The following MMS19 variants were observed in gnomAD, a reference collection of about 807,000 sequenced individuals.
The protein encoded by MMS19 is MMS19 nucleotide excision repair protein homolog.
MMS19 carries 77 observed loss-of-function variants against 129.8 expected under a neutral mutation model. The observed-to-expected ratio is 0.59, with a 90% CI of 0.49 to 0.72. The LOEUF is 0.72. Ranked by LOEUF, MMS19 falls within the 30% of genes least tolerant of loss-of-function variation. MMS19 has a pLI of 0.00. For synonymous variants in MMS19, 491 were observed against 502.8 expected, an observed-to-expected ratio of 0.98 and a Z score of 0.31; for missense variants, 1,168 against 1,266.3, an observed-to-expected ratio of 0.92 and a Z score of 1.18.
chr10:97,461,930 A>C (rs1475330816), intron 21 of MMS19, 34 bp from the exon 22 acceptor site: 1 of 1,584,276 alleles, frequency 6.3e-7, no homozygotes, highest in African/African-American at 1.3e-5. Flanking sequence ...CAAGCCTGCC[A>C]GCAATAAGCT....
At chr10:97,481,423 T>C (rs1589725865) in intron 2 of MMS19, among the ~76,000 whole-genome samples, 1 of 152,164 alleles carries the variant, frequency 6.6e-6, no homozygotes, top group East Asian at 1.9e-4. Context: ...GTTTGAGAGA[T>C]GATTGGCAGC....
chr10:97,471,470 A>C (rs29001300), intron 8 of MMS19, among the ~76,000 whole-genome samples: 1,660 of 152,144 alleles, frequency 0.011, 15 homozygotes, highest in Admixed American at 0.027. Flanking sequence ...CCTCTTTGCA[A>C]ACTCCACCAA....
At position 97,466,803 on chromosome 10, in the gene MMS19, T is replaced by C; in HGVS notation, c.1396A>G (p.Thr466Ala). The C allele has an allele frequency of 1.2e-6, 2 of 1,614,026 alleles. No homozygotes were observed. The highest frequency in any genetic ancestry group is 1.7e-5 in the Admixed American group (1 of 60,022). ...GGCTGGGCACCCAAGACTGTCAGTGTACGGATGCCAACAAGCTGAAGCTGG... is the reference window on the plus strand; with the variant it reads ...GGCTGGGCACCCAAGACTGTCAGTGCACGGATGCCAACAAGCTGAAGCTGG... ...STQLQLVGIR[T>A]LTVLGAQPDL... Residue 466 changes from threonine to alanine, a missense_variant, in exon 15 of 31, where the codon ACA becomes GCA. Physicochemically the swap from Thr to Ala is moderately conservative, Grantham distance 58 (BLOSUM62 0). Coordinates refer to ENST00000438925, the MANE Select transcript of MMS19 (RefSeq NM_022362.5).
rs573926045 is a variant in MMS19, at chr10:97,478,029, A to G, written c.349-100T>C. On this transcript the variant is annotated intron_variant, in intron 4 of 30. Coordinates refer to ENST00000438925, the MANE Select transcript of MMS19 (RefSeq NM_022362.5). ...CCTAATTAGCTACTGTAAGAATCAC[A>G]GCATCCTGGTTGAGGAAGAAGCACT... is the stretch of plus-strand genomic sequence containing the variant. 2.7e-3 allele frequency: 2,050 copies of G among 760,410 alleles called. 5 individuals carry two copies. The highest frequency in any genetic ancestry group is 8.6e-3 in the Middle Eastern group (35 of 4,084). 47.1% of individuals were successfully genotyped at this position (760,410 alleles called of 1,614,324 possible).
At chr10:97,491,614 G>A (rs1009171040) in intron 1 of MMS19, among the ~76,000 whole-genome samples, 2 of 152,128 alleles carry the variant, frequency 1.3e-5, no homozygotes, top group Admixed American at 6.5e-5. Flanking sequence ...GCAGTGAGCC[G>A]AAATCACGCC....
intron 3 of MMS19, among the ~76,000 whole-genome samples, chr10:97,479,579 GT>G (rs1185506876): frequency 3.3e-5 from 5 of 152,150 alleles, no homozygotes; most frequent in African/African-American, 1.2e-4. Context: ...TTTACTGTGT[GT>G]TATATAACTT....
chr10:97,496,881 T>C (rs1490098672), intron 1 of MMS19, among the ~76,000 whole-genome samples: 1 of 152,238 alleles, frequency 6.6e-6, no homozygotes, highest in Admixed American at 6.5e-5. Context: ...AATGGATGGA[T>C]AGCTATATGA....
intron 8 of MMS19, among the ~76,000 whole-genome samples, chr10:97,475,406 G>A (rs2035555264): frequency 6.6e-6 from 1 of 152,202 alleles, no homozygotes; most frequent in African/African-American, 2.4e-5. Flanking sequence ...TCATGTGAAT[G>A]AATTATCTTT....
chr10:97,462,094 T>G lies in MMS19; in HGVS notation c.2038A>C (p.Ile680Leu), dbSNP rs367731247. The change falls in exon 21 of 31, where the codon ATT becomes CTT. Residue 680 changes from isoleucine (I) to leucine (L), a missense_variant. This residue lies in a region of MMS19 where 831 missense variants were observed against 910.8 expected (regional missense o/e 0.91). Transcript: ENST00000438925. Reference sequence around the variant, plus strand: ...TTGCCATCCAAGAAGAGGGGCACAATGTGTGTCACACTCTGGGCAGCTAAC... The same window carrying G: ...TTGCCATCCAAGAAGAGGGGCACAAGGTGTGTCACACTCTGGGCAGCTAAC... ...PELAAQSVTH[I>L]VPLFLDGNVS... 2.5e-6 allele frequency: 4 copies of G among 1,584,040 alleles called. No individual in the cohort carries two copies. In the African/African-American group the frequency reaches 4.0e-5, roughly 16 times the overall value.
chr10:97,494,709 C>T (rs1326271919), intron 1 of MMS19, among the ~76,000 whole-genome samples: 1 of 152,180 alleles, frequency 6.6e-6, no homozygotes, highest in African/African-American at 2.4e-5. Context: ...AAATCACATT[C>T]TCTGAAAATC....
intron 1 of MMS19, among the ~76,000 whole-genome samples, chr10:97,489,771 G>A (rs1407270092): frequency 2.6e-5 from 4 of 152,154 alleles, no homozygotes; most frequent in African/African-American, 9.7e-5. Flanking sequence ...TTTATAGAAG[G>A]TTCCCCAATT....
At chr10:97,460,640 G>T in intron 25 of MMS19, 55 bp downstream of exon 25, 1 of 1,431,106 alleles carries the variant, frequency 7.0e-7, no homozygotes, top group Non-Finnish European at 9.7e-7. Flanking sequence ...AGGAATAGGA[G>T]CAACCAGAAA....
Position 97,461,611 on chromosome 10 carries a change from AG to A in MMS19, c.2195del (p.Pro732LeufsTer3). 1 of 1,598,680 alleles carries A rather than the reference AG, an allele frequency of 6.3e-7. No homozygotes were observed. Among genetic ancestry groups the A allele is most frequent in the Non-Finnish European group, 8.5e-7 (1 of 1,172,570 alleles). On this transcript the variant is annotated frameshift_variant, in exon 23 of 31. Coordinates refer to ENST00000438925, the MANE Select transcript of MMS19 (RefSeq NM_022362.5). LOFTEE classifies it high-confidence loss of function. ...VCSLPRNVEI[P>X]QLNQLMRELL... is the part of the protein sequence containing the mutation. ...GCTCCCGCATGAGTTGGTTCAGCTGAGGGATTTCCACCTACAGAAAACCTGG... is the reference window on the plus strand; with the variant it reads ...GCTCCCGCATGAGTTGGTTCAGCTGAGGATTTCCACCTACAGAAAACCTGG...
At position 97,463,988 on chromosome 10, in the gene MMS19, G is replaced by A. The variant is rs757251907; in HGVS notation, c.1782C>T (p.Asp594=). 17 of 1,613,050 alleles carry A rather than the reference G, an allele frequency of 1.1e-5. No homozygotes were observed. Among genetic ancestry groups the A allele is most frequent in the Non-Finnish European group, 1.4e-5 (16 of 1,179,554 alleles). The change falls in exon 19 of 31, where the codon GAC becomes GAT. Residue 594 remains aspartate, a synonymous_variant. Transcript: ENST00000438925. The stretch of plus-strand genomic sequence containing the variant: ...TGAGGCTCTGACAGACAGCAATAAC[G>A]TCACTGGATTGTGCAACCATATTCC... The part of the protein sequence containing the change: ...NRGNMVAQSS[D]VIAVCQSLRQ...
intron 1 of MMS19, among the ~76,000 whole-genome samples, chr10:97,491,437 T>C (rs533912862): frequency 6.6e-6 from 1 of 151,854 alleles, no homozygotes; most frequent in Non-Finnish European, 1.5e-5. Flanking sequence ...GAGGACGAGG[T>C]GGGTGGATCA....
At chr10:97,498,526 C>A, upstream of MMS19, 1 of 1,253,378 alleles carries the variant, frequency 8.0e-7, no homozygotes, top group Non-Finnish European at 1.1e-6. Context: ...TCTGCCTAGG[C>A]AGTTCCAGGG....
chr10:97,460,370 C>T, intron 25 of MMS19, 138 bp from the exon 26 acceptor site: 1 of 764,062 alleles, frequency 1.3e-6, no homozygotes, highest in Admixed American at 2.9e-5. Flanking sequence ...CTGCTTGAGT[C>T]TAGGAGTCTG....
rs773628115 is a variant in MMS19, at chr10:97,467,523, A to G, written c.1279T>C (p.Trp427Arg). The change falls in exon 14 of 31, where the codon TGG becomes CGG. Residue 427 changes from tryptophan (W) to arginine (R), a missense_variant. Trp to Arg is a moderately radical substitution (Grantham distance 101). Around this residue, in one of 3 missense-constraint regions of MMS19, gnomAD observed 831 missense variants for 910.8 expected, o/e 0.91. Coordinates refer to ENST00000438925, the MANE Select transcript of MMS19 (RefSeq NM_022362.5). The part of the protein sequence containing the change: ...LLGFLKLQQK[W>R]SYEDKDQRPL... ...ACCTCACCTTTGTCTTCATAGCTCC[A>G]TTTCTGCTGCAGCTTCAAGAAACCC... 2 of 1,613,902 alleles carry G rather than the reference A, an allele frequency of 1.2e-6. No homozygotes were observed. The highest frequency in any genetic ancestry group is 1.1e-5 in the South Asian group (1 of 91,082).
intron 3 of MMS19, among the ~76,000 whole-genome samples, chr10:97,478,781 G>T (rs1350292935): frequency 6.6e-6 from 1 of 152,102 alleles, no homozygotes. Context: ...GGAAATAAAT[G>T]AGTGTAGCTA....
Sources: allele counts gnomAD v4.1 joint callset (sites outside exome capture counted in the v4.1 genomes callset), GRCh38; gene constraint gnomAD v4.1.1; regional missense constraint gnomAD v4.1.1; transcripts MANE v1.5; gene names NCBI Gene and HGNC (gene_info 2026-07-23, HGNC 2026-07-21).